ITFG1: variants seen among roughly 807,000 people sequenced by gnomAD.
ITFG1 encodes integrin alpha FG-GAP repeat containing 1, also known as T-cell immunomodulatory protein.
Under a neutral mutation model 81.8 loss-of-function variants are expected in ITFG1, and 34 were observed. The observed-to-expected ratio is 0.42, with a 90% confidence interval of 0.32 to 0.55. The LOEUF (loss-of-function observed/expected upper bound fraction) is 0.55. Ranked by LOEUF, ITFG1 falls within the 20% of genes least tolerant of loss-of-function variation. The pLI is 0.17. For synonymous variants in ITFG1, 285 were observed against 270.6 expected (o/e 1.05, Z -0.52); for missense variants, 672 against 755.4 (o/e 0.89, Z 1.29).
At chr16:47,184,291 C>T (rs372119620) in intron 14 of ITFG1, among the ~76,000 whole-genome samples, 1 of 152,146 alleles carries the variant, frequency 6.6e-6, no homozygotes, top group Non-Finnish European at 1.5e-5. Flanking sequence ...CACAAAGATA[C>T]TCCTCGAGAA....
intron 6 of ITFG1, among the ~76,000 whole-genome samples, chr16:47,381,831 C>G (rs1389452718): frequency 6.6e-6 from 1 of 152,220 alleles, no homozygotes; most frequent in African/African-American, 2.4e-5. Context: ...AGTTTAATTG[C>G]ATTCTGTAGC....
chr16:47,199,230 G>T (rs1965394693), intron 14 of ITFG1, among the ~76,000 whole-genome samples: 1 of 151,756 alleles, frequency 6.6e-6, no homozygotes. Flanking sequence ...TCACGCCACT[G>T]CACTCCAGCC....
chr16:47,305,733 A>G (rs1967147664), intron 10 of ITFG1, among the ~76,000 whole-genome samples: 1 of 152,222 alleles, frequency 6.6e-6, no homozygotes, highest in Non-Finnish European at 1.5e-5. Context: ...TTTTAAGGAT[A>G]TGAAGTAAAA....
chr16:47,183,477 C>T (rs535620709), intron 14 of ITFG1, among the ~76,000 whole-genome samples: 1 of 152,300 alleles, frequency 6.6e-6, no homozygotes, highest in South Asian at 2.1e-4. Flanking sequence ...TGACCCCTGA[C>T]CCCTGACCCC....
intron 14 of ITFG1, among the ~76,000 whole-genome samples, chr16:47,200,714 C>T (rs1021965717): frequency 6.6e-6 from 1 of 152,142 alleles, no homozygotes; most frequent in African/African-American, 2.4e-5. Flanking sequence ...GCTCTTTGGA[C>T]TCCTGAAGGA....
chr16:47,215,001 T>C (rs1308901887), intron 14 of ITFG1, among the ~76,000 whole-genome samples: 1 of 151,936 alleles, frequency 6.6e-6, no homozygotes, highest in Non-Finnish European at 1.5e-5. Context: ...AACAATACTT[T>C]ACCATCTGGG....
chr16:47,405,666 G>A (rs1423458747), intron 6 of ITFG1, among the ~76,000 whole-genome samples: 1 of 152,194 alleles, frequency 6.6e-6, no homozygotes, highest in African/African-American at 2.4e-5. Context: ...AACTTACTCT[G>A]TAAGGTGATT....
intron 13 of ITFG1, among the ~76,000 whole-genome samples, chr16:47,225,869 G>A (rs936051348): frequency 1.3e-5 from 2 of 151,890 alleles, no homozygotes; most frequent in African/African-American, 4.8e-5. Context: ...TACTGTTAAA[G>A]GTAACTCTAA....
chr16:47,236,391 C>G (rs566114412), intron 13 of ITFG1, among the ~76,000 whole-genome samples: 1 of 148,976 alleles, frequency 6.7e-6, no homozygotes, highest in Admixed American at 6.8e-5. Flanking sequence ...AGGAGAATGG[C>G]GTGAGCCCCG....
chr16:47,441,432 A>G (rs1387947501), intron 5 of ITFG1, among the ~76,000 whole-genome samples: 1 of 152,232 alleles, frequency 6.6e-6, no homozygotes, highest in Non-Finnish European at 1.5e-5. Context: ...AATCCTCAAT[A>G]AAATACTGGC....
chr16:47,192,791 C>T (rs1965306895), intron 14 of ITFG1, among the ~76,000 whole-genome samples: 2 of 152,140 alleles, frequency 1.3e-5, no homozygotes, highest in Admixed American at 1.3e-4. Context: ...TTACTCTCTT[C>T]CCTCTACACA....
chr16:47,446,260 T>A (rs1969323569), intron 5 of ITFG1, among the ~76,000 whole-genome samples: 1 of 152,128 alleles, frequency 6.6e-6, no homozygotes, highest in South Asian at 2.1e-4. Flanking sequence ...GGGAAAAGCA[T>A]CACTAGAGAA....
chr16:47,165,902 C>A (rs888925800), intron 14 of ITFG1, among the ~76,000 whole-genome samples: 1 of 152,196 alleles, frequency 6.6e-6, no homozygotes, highest in African/African-American at 2.4e-5. Context: ...CATGACACTA[C>A]TAGCAAAGAC....
chr16:47,209,810 A>G (rs1413898563), intron 14 of ITFG1, among the ~76,000 whole-genome samples: 2 of 152,338 alleles, frequency 1.3e-5, no homozygotes, highest in African/African-American at 4.8e-5. Context: ...CATATAGTAT[A>G]TAAACTTCTG....
chr16:47,358,552 T>G (rs982977114), intron 8 of ITFG1, among the ~76,000 whole-genome samples: 2 of 152,188 alleles, frequency 1.3e-5, no homozygotes, highest in Non-Finnish European at 2.9e-5. Flanking sequence ...TCAGAACAAT[T>G]TTTAATCACT....
At position 47,209,542 on chromosome 16, in the gene ITFG1, C is replaced by T. The variant is rs554138575; in HGVS notation, c.1453+9326G>A. 1.8e-3 allele frequency among the ~76,000 whole-genome samples: 281 copies of T among 152,170 alleles called. 1 individual carries two copies. The highest frequency in any genetic ancestry group is 2.9e-3 in the Non-Finnish European group (200 of 67,972). ...CAGATATAGAAATAATGCAAAGATC[C>T]CATGTACCCTTTATTCAGTTTTCTC... is the stretch of plus-strand genomic sequence containing the variant. On this transcript the variant is annotated intron_variant, in intron 14 of 17. Transcript: ENST00000320640.
intron 14 of ITFG1, among the ~76,000 whole-genome samples, chr16:47,177,189 C>T (rs182381759): frequency 4.6e-5 from 7 of 152,150 alleles, no homozygotes; most frequent in East Asian, 3.9e-4. Context: ...AAGCTGGTTT[C>T]GAGCTCTGAG....
intron 5 of ITFG1, among the ~76,000 whole-genome samples, chr16:47,433,928 G>T (rs1390938866): frequency 7.7e-6 from 1 of 129,986 alleles, no homozygotes. Context: ...GAACTAAAGT[G>T]TTAATAGGTT....
chr16:47,165,724 T>C (rs1404860917), intron 14 of ITFG1, among the ~76,000 whole-genome samples: 2 of 152,174 alleles, frequency 1.3e-5, no homozygotes, highest in Non-Finnish European at 2.9e-5. Context: ...CATGTGCCTG[T>C]AGTCCCAGTT....
Sources: allele counts gnomAD v4.1 joint callset (sites outside exome capture counted in the v4.1 genomes callset), GRCh38; gene constraint gnomAD v4.1.1; transcripts MANE v1.5; gene names NCBI Gene and HGNC (gene_info 2026-07-23, HGNC 2026-07-21).